The following PSMD2 variants were observed in gnomAD, a reference collection of about 807,000 sequenced individuals.
The protein encoded by PSMD2 is 26S proteasome non-ATPase regulatory subunit 2.
PSMD2 carries 8 observed loss-of-function variants against 101.5 expected under a neutral mutation model. The observed-to-expected ratio is 0.08, with a 90% CI of 0.05 to 0.14. The LOEUF (loss-of-function observed/expected upper bound fraction) is 0.14. Among genes scored for constraint, PSMD2 ranks in the 10% least tolerant of loss-of-function variants. The pLI is 1.00. For missense variants in PSMD2, 784 were observed against 1,147.4 expected, an observed-to-expected ratio of 0.68 and a Z score of 4.58; for synonymous variants, 418 against 433.8, an observed-to-expected ratio of 0.96 and a Z score of 0.45.
In PSMD2 at chr3:184,308,675, T is replaced by G; in HGVS notation, c.2545-33T>G. 2 of 1,601,720 alleles carry G rather than the reference T, an allele frequency of 1.2e-6. No individual in the cohort carries two copies. Among genetic ancestry groups the G allele is most frequent in the Non-Finnish European group, 1.7e-6 (2 of 1,170,350 alleles). On this transcript the variant is annotated intron_variant, in intron 20 of 20. Coordinates refer to ENST00000310118, the MANE Select transcript of PSMD2 (RefSeq NM_002808.5). The surrounding 1 kb of genome is among the most constrained non-coding windows in gnomAD (Gnocchi z 6.0). ...GTGGGCGGTGGCTTGTCGCTACTTT[T>G]CCATCTCTCTTTTCAATTTTCTTAC...
Position 184,303,013 on chromosome 3 carries a change from G to A in PSMD2, c.1020G>A (p.Met340Ile), listed in dbSNP as rs1437935558. ...TGACTTCTCTTCAGCTGGACATCATGGAGCCCAAGGTGCCTGATGACATCT... is the reference window on the plus strand; with the variant it reads ...TGACTTCTCTTCAGCTGGACATCATAGAGCCCAAGGTGCCTGATGACATCT... ...FLALARELDI[M>I]EPKVPDDIYK... The change falls in exon 8 of 21, where the codon ATG (methionine) becomes ATA (isoleucine). Residue 340 changes from methionine to isoleucine, a missense_variant. Met to Ile is a conservative substitution (Grantham distance 10, BLOSUM62 1). Transcript: ENST00000310118. 6.2e-7 allele frequency: 1 copy of A among 1,614,132 alleles called. No individual in the cohort carries two copies. Among genetic ancestry groups the A allele is most frequent in the Non-Finnish European group, 8.5e-7 (1 of 1,180,016 alleles).
chr3:184,304,515 T>G lies in PSMD2; in HGVS notation c.1539+124T>G. 1.0e-6 allele frequency: 1 copy of G among 996,498 alleles called. No homozygotes were observed. The highest frequency in any genetic ancestry group is 1.6e-6 in the Non-Finnish European group (1 of 641,932). The allele number at this position is 996,498 out of a possible 1,614,324, so 61.7% of individuals were successfully genotyped here. On this transcript the variant is annotated intron_variant, in intron 12 of 20. Coordinates refer to ENST00000310118, the MANE Select transcript of PSMD2 (RefSeq NM_002808.5). The surrounding 1 kb of genome is among the most constrained non-coding windows in gnomAD (Gnocchi z 4.1). ...GTGCATACATGTACATGCCTGTTGG[T>G]GTGTATTGAGGGGCGTCACCTCAGT...
intron 1 of PSMD2, 137 bp downstream of exon 1, chr3:184,299,538 C>A (rs1418786910): frequency 1.1e-5 from 13 of 1,161,072 alleles, no homozygotes; most frequent in Non-Finnish European, 1.5e-5. Flanking sequence ...GGACTCCCGG[C>A]ACCTTGCCTC....
rs1411560472 is a variant in PSMD2, at chr3:184,308,649, C to T, written c.2545-59C>T. On this transcript the variant is annotated intron_variant, in intron 20 of 20. Transcript: ENST00000310118. The surrounding 1 kb of genome is among the most constrained non-coding windows in gnomAD (Gnocchi z 6.0). ...CATATACTTGCTTTGCTGAAACTGG[C>T]GTGGGCGGTGGCTTGTCGCTACTTT... 2.6e-5 allele frequency: 41 copies of T among 1,586,574 alleles called. 1 individual carries two copies. The South Asian group carries it at 3.2e-4, about 12-fold the overall frequency.
At chr3:184,301,088 T>G (rs1156637574) in intron 3 of PSMD2, among the ~76,000 whole-genome samples, 1 of 151,966 alleles carries the variant, frequency 6.6e-6, no homozygotes, top group Non-Finnish European at 1.5e-5. Context: ...CCTAGCACTT[T>G]GGGAGGCCGA....
rs765241282 is a variant in PSMD2 at position 184,307,390 on chromosome 3, G to C, written c.2068G>C (p.Val690Leu). 1 of 1,614,148 alleles carries C rather than the reference G, an allele frequency of 6.2e-7. No homozygotes were observed. Among genetic ancestry groups the C allele is most frequent in the South Asian group, 1.1e-5 (1 of 91,072 alleles). Residue 690 changes from valine (V) to leucine (L), a missense_variant, in exon 17 of 21, where the codon GTA (valine) becomes CTA (leucine). Val to Leu is a conservative substitution (Grantham distance 32). Transcript: ENST00000310118. Reference sequence around the variant, plus strand: ...TGGGGAGCCTACACTCCGGAGGGCTGTACCTTTAGCACTGGCCCTCATCTC... The same window carrying C: ...TGGGGAGCCTACACTCCGGAGGGCTCTACCTTTAGCACTGGCCCTCATCTC... ...RYGEPTLRRA[V>L]PLALALISVS...
chr3:184,301,838 T>C lies in PSMD2; in HGVS notation c.480-9T>C, dbSNP rs780701213. 11 of 1,614,178 alleles carry C rather than the reference T, an allele frequency of 6.8e-6. No homozygotes were observed. The South Asian group carries it at 1.2e-4, about 18-fold the overall frequency. ...CTGTGCTCTCTTAATCGTCTGGGACTATCTGTAGGCATCTGGCAGGAGAAG... is the reference window on the plus strand; with the variant it reads ...CTGTGCTCTCTTAATCGTCTGGGACCATCTGTAGGCATCTGGCAGGAGAAG... On this transcript the variant is annotated splice_polypyrimidine_tract_variant and intron_variant, in intron 4 of 20. Coordinates refer to ENST00000310118, the MANE Select transcript of PSMD2 (RefSeq NM_002808.5).
chr3:184,299,747 C>T (rs533914796), intron 1 of PSMD2, 104 bp from the exon 2 acceptor site: 237 of 931,120 alleles, frequency 2.5e-4, no homozygotes, highest in Non-Finnish European at 3.8e-4. Context: ...TCCACCTGGC[C>T]CCTCCTAAGG....
At position 184,299,327 on chromosome 3, in the gene PSMD2, C is replaced by A; in HGVS notation, c.61C>A (p.Pro21Thr). Residue 21 changes from proline (P) to threonine (T), a missense_variant, in exon 1 of 21, where the codon CCC (proline) becomes ACC (threonine). Physicochemically the swap from Pro to Thr is conservative, Grantham distance 38. Around this residue, in one of 6 missense-constraint regions of PSMD2, gnomAD observed 196 missense variants for 182.4 expected, o/e 1.07. Transcript: ENST00000310118. Reference sequence around the variant, plus strand: ...GCCCCAGCAGTCTCCAGCGGCGGCCCCCGGCGGCACGGACGAGAAGCCGAG... The same window carrying A: ...GCCCCAGCAGTCTCCAGCGGCGGCCACCGGCGGCACGGACGAGAAGCCGAG... ...VQPQQSPAAA[P>T]GGTDEKPSGK... 1 of 1,408,230 alleles carries A rather than the reference C, an allele frequency of 7.1e-7. No individual in the cohort carries two copies. The highest frequency in any genetic ancestry group is 1.5e-5 in the South Asian group (1 of 68,836). 87.2% of individuals were successfully genotyped at this position (1,408,230 alleles called of 1,614,324 possible).
In PSMD2 at chr3:184,308,399, C is replaced by G. The variant is rs1281162328; in HGVS notation, c.2426-50C>G. Reference sequence around the variant, plus strand: ...GAGGTGGGCTCTCAATGTTTCTGGCCAGGCCTGTCTTTTTGTCTCTTAACT... The same window carrying G: ...GAGGTGGGCTCTCAATGTTTCTGGCGAGGCCTGTCTTTTTGTCTCTTAACT... On this transcript the variant is annotated intron_variant, in intron 19 of 20. Coordinates refer to ENST00000310118, the MANE Select transcript of PSMD2 (RefSeq NM_002808.5). This position sits in a 1 kb window ranked among gnomAD's most constrained non-coding sequence, Gnocchi z 6.0. 6.9e-7 allele frequency: 1 copy of G among 1,451,818 alleles called. No homozygotes were observed. Among genetic ancestry groups the G allele is most frequent in the African/African-American group, 1.4e-5 (1 of 71,240 alleles). The allele number at this position is 1,451,818 out of a possible 1,614,324, so 89.9% of individuals were successfully genotyped here.
intron 15 of PSMD2, 46 bp downstream of exon 15, chr3:184,306,541 T>G (rs1019296189): frequency 6.9e-6 from 11 of 1,595,602 alleles, no homozygotes; most frequent in African/African-American, 2.7e-5. Context: ...TGAGAAGAGA[T>G]AAGCATATAG....
rs576616232 is a variant in PSMD2, at chr3:184,304,654, A to G, written c.1539+263A>G. On this transcript the variant is annotated intron_variant, in intron 12 of 20. Coordinates refer to ENST00000310118, the MANE Select transcript of PSMD2 (RefSeq NM_002808.5). The surrounding 1 kb of genome is among the most constrained non-coding windows in gnomAD (Gnocchi z 4.1). Reference sequence around the variant, plus strand: ...TAATCCCAGCACTTTGGGAGGCTGCAGTGGGCGGATCACTTGAGCCCAGGA... The same window carrying G: ...TAATCCCAGCACTTTGGGAGGCTGCGGTGGGCGGATCACTTGAGCCCAGGA... 5.3e-5 allele frequency among the ~76,000 whole-genome samples: 8 copies of G among 152,118 alleles called. No individual in the cohort carries two copies. In the South Asian group the frequency reaches 1.5e-3, roughly 28 times the overall value.
chr3:184,301,377 G>A (rs1443841286), intron 3 of PSMD2, among the ~76,000 whole-genome samples, 160 bp from the exon 4 acceptor site: 1 of 151,326 alleles, frequency 6.6e-6, no homozygotes, highest in African/African-American at 2.4e-5. Flanking sequence ...CACCAACCTT[G>A]GTTTTTGTGA....
Position 184,304,466 on chromosome 3 carries a change from A to G in PSMD2, c.1539+75A>G, listed in dbSNP as rs552833817. On this transcript the variant is annotated intron_variant, in intron 12 of 20. Transcript: ENST00000310118. The surrounding 1 kb of genome is among the most constrained non-coding windows in gnomAD (Gnocchi z 4.1). ...GTCTTACTTTCTGTGATAAATAATG[A>G]AAAAGAAGTAAGTGTGTGCATGTGT... 5 of 1,458,606 alleles carry G rather than the reference A, an allele frequency of 3.4e-6. No individual in the cohort carries two copies. In the South Asian group the frequency reaches 5.7e-5, roughly 17 times the overall value. The allele number at this position is 1,458,606 out of a possible 1,614,324, so 90.4% of individuals were successfully genotyped here.
In PSMD2 at chr3:184,304,731, A is replaced by T. The variant is rs1577158563; in HGVS notation, c.1539+340A>T. ...TGAAACCCCATTTCTACCAAAAAAT[A>T]AACAGAAAAATTAGCCGGGTGTGGT... On this transcript the variant is annotated intron_variant, in intron 12 of 20. Coordinates refer to ENST00000310118, the MANE Select transcript of PSMD2 (RefSeq NM_002808.5). The surrounding 1 kb of genome is among the most constrained non-coding windows in gnomAD (Gnocchi z 4.1). Among the ~76,000 whole-genome samples the T allele has an allele frequency of 6.6e-6, 1 of 152,186 alleles. No individual in the cohort carries two copies. Among genetic ancestry groups the T allele is most frequent in the East Asian group, 1.9e-4 (1 of 5,180 alleles).
intron 3 of PSMD2, chr3:184,300,773 T>A: frequency 1.7e-6 from 1 of 583,988 alleles, no homozygotes; most frequent in Non-Finnish European, 2.3e-6. Flanking sequence ...GTCACTTCTC[T>A]GCCTGCTGGT....
chr3:184,301,457 C>T (rs545275175), intron 3 of PSMD2, 80 bp from the exon 4 acceptor site: 2 of 1,539,558 alleles, frequency 1.3e-6, no homozygotes, highest in Non-Finnish European at 1.8e-6. Context: ...GTTTCGGAGA[C>T]AATGATCTTG....
chr3:184,300,053 G>A, intron 2 of PSMD2, 146 bp downstream of exon 2: 1 of 894,084 alleles, frequency 1.1e-6, no homozygotes, highest in Non-Finnish European at 1.8e-6. Flanking sequence ...GTTACAAAGG[G>A]TATTTGTACA....
chr3:184,302,120 C>T (rs769165663), intron 5 of PSMD2, 49 bp downstream of exon 5: 25 of 1,566,460 alleles, frequency 1.6e-5, no homozygotes, highest in Non-Finnish European at 6.1e-6. Context: ...TCCTCAGCAC[C>T]TCTCTCTCAA....
Sources: gnomAD v4.1 joint callset for allele counts (sites outside exome capture counted in the v4.1 genomes callset) on GRCh38, gnomAD v4.1.1 for gene constraint, gnomAD v4.1.1 regional missense constraint, Gnocchi (gnomAD v3.1) non-coding constraint, MANE v1.5 for transcripts, NCBI Gene and HGNC (gene_info 2026-07-23, HGNC 2026-07-21) for gene names.